RBMS3: variants seen among roughly 807,000 people sequenced by gnomAD.
RBMS3 encodes RNA-binding motif, single-stranded-interacting protein 3.
Under a neutral mutation model 66.8 loss-of-function variants are expected in RBMS3, and 27 were observed. That is an observed-to-expected ratio of 0.40 (90% confidence interval 0.30 to 0.56). The LOEUF (loss-of-function observed/expected upper bound fraction) is 0.56. RBMS3 is among the 20% of genes least tolerant of loss of function. The pLI is 0.40. For missense variants in RBMS3, 513 were observed against 549.5 expected (o/e 0.93, Z 0.66); for synonymous variants, 188 against 183.0 (o/e 1.03, Z -0.22).
chr3:29,325,333 G>C (rs967718459), intron 1 of RBMS3, among the ~76,000 whole-genome samples: 2 of 152,120 alleles, frequency 1.3e-5, no homozygotes, highest in African/African-American at 2.4e-5. Flanking sequence ...GTCAAGGATA[G>C]ATGGGCTGAG....
intron 1 of RBMS3, among the ~76,000 whole-genome samples, chr3:29,322,225 C>T (rs1232525020): frequency 3.3e-5 from 5 of 151,836 alleles, no homozygotes; most frequent in East Asian, 1.9e-4. Context: ...TTTACTGTAT[C>T]CCCATGAAAA....
chr3:29,772,265 T>A (rs2056242317), intron 6 of RBMS3, among the ~76,000 whole-genome samples: 1 of 152,034 alleles, frequency 6.6e-6, no homozygotes, highest in Admixed American at 6.6e-5. Context: ...CCTATACAAC[T>A]GTGAGATAAT....
chr3:29,624,153 G>A (rs1330634507), intron 4 of RBMS3, among the ~76,000 whole-genome samples: 3 of 152,174 alleles, frequency 2.0e-5, no homozygotes, highest in Non-Finnish European at 4.4e-5. Flanking sequence ...ATGTGTACAT[G>A]AGTCCCAAGG....
chr3:29,993,423 A>ATTTTATGTGACCATT (rs1329999845), intron 14 of RBMS3, among the ~76,000 whole-genome samples: 1 of 152,172 alleles, frequency 6.6e-6, no homozygotes, highest in Non-Finnish European at 1.5e-5. Context: ...GTAATGGGAA[A>ATTTTATGTGACCATT]TTTTATGTGA....
chr3:29,835,878 A>G (rs2058492855), intron 6 of RBMS3, among the ~76,000 whole-genome samples: 1 of 151,866 alleles, frequency 6.6e-6, no homozygotes, highest in Non-Finnish European at 1.5e-5. Flanking sequence ...GCAAACCTTC[A>G]CTACACTAAG....
chr3:29,332,991 C>A (rs2035751967), intron 1 of RBMS3, among the ~76,000 whole-genome samples: 2 of 151,928 alleles, frequency 1.3e-5, no homozygotes, highest in Admixed American at 6.6e-5. Flanking sequence ...CTCAGCTAGT[C>A]TATTAAATAT....
In RBMS3 at chr3:29,550,786, CA is replaced by C. The variant is rs1349847597; in HGVS notation, c.308-36326del. On this transcript the variant is annotated intron_variant, in intron 3 of 14. Coordinates refer to ENST00000383767, the MANE Select transcript of RBMS3 (RefSeq NM_001003793.3). ...CCTGCATATTTTGGCAAGTGTATTT[CA>C]AGGTTACAGAAGCCAAGAGAATAAA... Among the ~76,000 whole-genome samples, 3 of 152,232 alleles carry C rather than the reference CA, an allele frequency of 2.0e-5. No individual in the cohort carries two copies. The East Asian group carries it at 5.8e-4, about 29-fold the overall frequency.
intron 4 of RBMS3, among the ~76,000 whole-genome samples, chr3:29,591,749 C>T (rs2047746700): frequency 6.6e-6 from 1 of 152,188 alleles, no homozygotes; most frequent in African/African-American, 2.4e-5. Context: ...TTCTTATTTG[C>T]TTTCTGTCGA....
chr3:29,746,455 G>C lies in RBMS3; in HGVS notation c.557+6578G>C, dbSNP rs142987144. On this transcript the variant is annotated intron_variant, in intron 5 of 14. Coordinates refer to ENST00000383767, the MANE Select transcript of RBMS3 (RefSeq NM_001003793.3). Reference sequence around the variant, plus strand: ...CAACTGTGTTTTCTGAGATTGAAGAGAATAAAGGTTGTATGTTTCATTCTT... The same window carrying C: ...CAACTGTGTTTTCTGAGATTGAAGACAATAAAGGTTGTATGTTTCATTCTT... Among the ~76,000 whole-genome samples the C allele has an allele frequency of 5.1e-3, 777 of 152,286 alleles. 9 individuals are homozygous for C. Among genetic ancestry groups the C allele is most frequent in the Admixed American group, 0.026 (400 of 15,300 alleles).
intron 6 of RBMS3, among the ~76,000 whole-genome samples, chr3:29,848,993 G>C (rs2058859375): frequency 6.6e-6 from 1 of 152,036 alleles, no homozygotes; most frequent in Non-Finnish European, 1.5e-5. Flanking sequence ...AAATCACAAA[G>C]GATATTTTTG....
intron 4 of RBMS3, among the ~76,000 whole-genome samples, chr3:29,641,932 T>C (rs2049730240): frequency 6.6e-6 from 1 of 152,054 alleles, no homozygotes; most frequent in South Asian, 2.1e-4. Context: ...TTCTTAGAGC[T>C]GTCCTCCCAA....
In RBMS3 at chr3:29,364,863, A is replaced by G. The variant is rs1019069105; in HGVS notation, c.76-69880A>G. On this transcript the variant is annotated intron_variant, in intron 1 of 14. Transcript: ENST00000383767. ...GTATTGAGATTTTTATTGTCGACCAATTGCTTCCTCCACAGTTTTGCCAGC... is the reference window on the plus strand; with the variant it reads ...GTATTGAGATTTTTATTGTCGACCAGTTGCTTCCTCCACAGTTTTGCCAGC... 2.6e-5 allele frequency among the ~76,000 whole-genome samples: 4 copies of G among 152,032 alleles called. No individual in the cohort carries two copies. The East Asian group carries it at 5.8e-4, about 22-fold the overall frequency.
At chr3:29,780,139 G>A (rs1247903595) in intron 6 of RBMS3, among the ~76,000 whole-genome samples, 5 of 151,912 alleles carry the variant, frequency 3.3e-5, no homozygotes, top group Non-Finnish European at 5.9e-5. Context: ...TATAGTTCAA[G>A]TTTAATCCTA....
intron 6 of RBMS3, among the ~76,000 whole-genome samples, chr3:29,864,274 G>A (rs1020146288): frequency 2.6e-5 from 4 of 152,248 alleles, no homozygotes; most frequent in Non-Finnish European, 4.4e-5. Context: ...AGAAACAACA[G>A]CAAAGGAACA....
At chr3:29,723,663 G>A (rs142434396) in intron 4 of RBMS3, among the ~76,000 whole-genome samples, 85 of 152,156 alleles carry the variant, frequency 5.6e-4, no homozygotes, top group African/African-American at 1.4e-3. Flanking sequence ...TTGCTGTTTC[G>A]AAGGTTGGGT....
chr3:29,860,568 A>T (rs2059187458), intron 6 of RBMS3, among the ~76,000 whole-genome samples: 1 of 152,196 alleles, frequency 6.6e-6, no homozygotes, highest in Non-Finnish European at 1.5e-5. Context: ...ACGAATGCCT[A>T]TCTATGTCTC....
intron 6 of RBMS3, among the ~76,000 whole-genome samples, chr3:29,778,657 T>C (rs1221025204): frequency 6.6e-6 from 1 of 151,840 alleles, no homozygotes; most frequent in African/African-American, 2.4e-5. Context: ...AGGATTTAAT[T>C]CTGTCACCTT....
At chr3:30,002,938 T>TC (rs1699676143) in intron 14 of RBMS3, among the ~76,000 whole-genome samples, 1 of 151,990 alleles carries the variant, frequency 6.6e-6, no homozygotes, top group Admixed American at 6.6e-5. Flanking sequence ...TAGTAAACAA[T>TC]CTGTAAAACT....
chr3:29,463,662 A>G (rs2042444765), intron 2 of RBMS3, among the ~76,000 whole-genome samples: 1 of 151,032 alleles, frequency 6.6e-6, no homozygotes, highest in Non-Finnish European at 1.5e-5. Context: ...CCTTAAAGAG[A>G]GAGGGCTCTA....
Sources: gnomAD v4.1 joint callset for allele counts (sites outside exome capture counted in the v4.1 genomes callset) on GRCh38, gnomAD v4.1.1 for gene constraint, MANE v1.5 for transcripts, NCBI Gene and HGNC (gene_info 2026-07-23, HGNC 2026-07-21) for gene names.